Variants in BLM observed in about 807,000 individuals in gnomAD.
BLM encodes the protein BLM RecQ like helicase.
In BLM, 95 loss-of-function variants were observed where a neutral mutation model predicts 135.3. That is an observed-to-expected ratio of 0.70 (90% CI 0.59 to 0.83). The LOEUF (loss-of-function observed/expected upper bound fraction) is 0.83. BLM is among the 40% of genes least tolerant of loss of function. The probability of loss-of-function intolerance (pLI) is 0.00; values close to 1 mark genes in which losing one functional copy is unlikely to be tolerated. For synonymous variants in BLM, 520 were observed against 589.2 expected (o/e 0.88, Z 1.70); for missense variants, 1,518 against 1,663.9 (o/e 0.91, Z 1.53).
intron 19 of BLM, among the ~76,000 whole-genome samples, chr15:90,808,600 A>G (rs1489749509): frequency 2.0e-5 from 3 of 152,244 alleles, no homozygotes; most frequent in Non-Finnish European, 2.9e-5. Flanking sequence ...TGCGACCTCT[A>G]TGCAGAGGAC....
intron 12 of BLM, among the ~76,000 whole-genome samples, chr15:90,776,566 G>T (rs1209840720): frequency 1.3e-5 from 2 of 152,158 alleles, no homozygotes; most frequent in African/African-American, 4.8e-5. Context: ...CACCCAGGAT[G>T]GAATAAGTAC....
chr15:90,749,259 G>A (rs1359063381), intron 2 of BLM, 108 bp from the exon 3 acceptor site: 7 of 762,278 alleles, frequency 9.2e-6, no homozygotes, highest in African/African-American at 3.5e-5. Flanking sequence ...GCTCAGTTGG[G>A]ATACAATTAA....
intron 12 of BLM, among the ~76,000 whole-genome samples, chr15:90,782,249 G>A (rs1896633228): frequency 1.3e-5 from 2 of 152,030 alleles, no homozygotes; most frequent in Admixed American, 6.6e-5. Context: ...TTAGCTGGGC[G>A]CGATGGTGGG....
At chr15:90,786,871 C>G (rs943699809) in intron 14 of BLM, among the ~76,000 whole-genome samples, 7 of 151,944 alleles carry the variant, frequency 4.6e-5, no homozygotes, top group Non-Finnish European at 8.8e-5. Context: ...CCTCAGCCCC[C>G]CAAAGTGCTG....
At chr15:90,742,238 A>G (rs1290295027) in intron 1 of BLM, among the ~76,000 whole-genome samples, 2 of 152,090 alleles carry the variant, frequency 1.3e-5, no homozygotes. Context: ...GTTCTTAGTT[A>G]GGCTCACCAC....
intron 19 of BLM, chr15:90,808,915 C>G: frequency 1.6e-6 from 1 of 615,098 alleles, no homozygotes; most frequent in South Asian, 1.9e-5. Flanking sequence ...CTTGCTCTGC[C>G]CTGGCCTATG....
Position 90,790,810 on chromosome 15 carries a change from T to C in BLM, c.2985T>C (p.Tyr995=), listed in dbSNP as rs1367612540. The change falls in exon 15 of 22, where the codon TAT becomes TAC. Residue 995 remains tyrosine (Y), a synonymous_variant. Transcript: ENST00000355112. ...CTCACTGCCTGCTTTTCTATACCTA[T>C]CATGATGTGACCAGACTGAAAAGAC... The part of the protein sequence containing the change: ...EISHCLLFYT[Y]HDVTRLKRLI... 4.3e-6 allele frequency: 7 copies of C among 1,614,046 alleles called. No homozygotes were observed. The highest frequency in any genetic ancestry group is 5.9e-6 in the Non-Finnish European group (7 of 1,180,040).
Position 90,815,110 on chromosome 15 carries a change from C to A in BLM, c.4085C>A (p.Ala1362Asp). The change falls in exon 22 of 22, where the codon GCC becomes GAC. Residue 1362 changes from alanine (A) to aspartate (D), a missense_variant. By Grantham distance (126) the Ala-to-Asp change is moderately radical. Coordinates refer to ENST00000355112, the MANE Select transcript of BLM (RefSeq NM_000057.4). This position sits in a 1 kb window ranked among gnomAD's most constrained non-coding sequence, Gnocchi z 4.6. The stretch of plus-strand genomic sequence containing the variant: ...TCTTTGTCACATTTCAGGGGGTCTG[C>A]CACATGTAGAAAGATATCTTCCAAA... ...SSGSKAKGGS[A>D]TCRKISSKTK... 1 of 1,613,976 alleles carries A rather than the reference C, an allele frequency of 6.2e-7. No homozygotes were observed. The highest frequency in any genetic ancestry group is 8.5e-7 in the Non-Finnish European group (1 of 1,180,020).
intron 17 of BLM, among the ~76,000 whole-genome samples, chr15:90,802,678 C>T (rs1454857156): frequency 5.3e-5 from 8 of 152,176 alleles, no homozygotes; most frequent in African/African-American, 1.7e-4. Context: ...CTCAGTGGCT[C>T]ATGCCTGTAA....
At chr15:90,788,479 T>TTTTTTTTTTTTTTTTTTG (rs1567055130) in intron 14 of BLM, among the ~76,000 whole-genome samples, 1 of 144,474 alleles carries the variant, frequency 6.9e-6, no homozygotes, top group Non-Finnish European at 1.5e-5. Flanking sequence ...TTGTTTTTTT[T>TTTTTTTTTTTTTTTTTTG]TTTTTTTTTT....
chr15:90,726,792 G>A (rs891923562), intron 1 of BLM, among the ~76,000 whole-genome samples: 8 of 152,150 alleles, frequency 5.3e-5, no homozygotes, highest in African/African-American at 1.9e-4. Context: ...ATAGTATTCT[G>A]TTGTATAAAT....
chr15:90,745,101 T>G (rs906667157), intron 1 of BLM, among the ~76,000 whole-genome samples: 2 of 151,988 alleles, frequency 1.3e-5, no homozygotes, highest in African/African-American at 2.4e-5. Flanking sequence ...ATTCCAAATC[T>G]GGTGCAAAAA....
intron 1 of BLM, among the ~76,000 whole-genome samples, chr15:90,740,034 G>A (rs1276299573): frequency 2.0e-5 from 3 of 152,080 alleles, no homozygotes; most frequent in Admixed American, 6.6e-5. Context: ...CAAAGGGCTG[G>A]GATTACAGGC....
At chr15:90,813,362 T>C (rs1311445524) in intron 21 of BLM, among the ~76,000 whole-genome samples, 2 of 152,086 alleles carry the variant, frequency 1.3e-5, no homozygotes, top group African/African-American at 2.4e-5. Context: ...TCCATGCTTG[T>C]TTTCAGTGAG....
intron 17 of BLM, among the ~76,000 whole-genome samples, chr15:90,801,522 T>C (rs1897165835): frequency 6.6e-6 from 1 of 152,132 alleles, no homozygotes; most frequent in Non-Finnish European, 1.5e-5. Flanking sequence ...CAGTATCATA[T>C]AACTAGCAAA....
Position 90,804,198 on chromosome 15 carries a change from G to T in BLM, c.3590G>T (p.Ser1197Ile). Residue 1197 changes from serine to isoleucine, a missense_variant, in exon 19 of 22, where the codon AGT becomes ATT. Physicochemically the swap from Ser to Ile is moderately radical, Grantham distance 142. Around this residue, in one of 5 missense-constraint regions of BLM, gnomAD observed 626 missense variants for 681.1 expected, o/e 0.92. Transcript: ENST00000355112. ...TTTATGGAAACAGAAAATTCCAGCAGTGTGAAAAAACAAAAAGCGTTAGTA... is the reference window on the plus strand; with the variant it reads ...TTTATGGAAACAGAAAATTCCAGCATTGTGAAAAAACAAAAAGCGTTAGTA... ...VDFMETENSSSVKKQKALVAK... is the reference protein window; with the variant it reads ...VDFMETENSSIVKKQKALVAK... The T allele has an allele frequency of 6.2e-7, 1 of 1,614,148 alleles. No homozygotes were observed. The highest frequency in any genetic ancestry group is 8.5e-7 in the Non-Finnish European group (1 of 1,179,980).
intron 2 of BLM, among the ~76,000 whole-genome samples, chr15:90,747,966 C>G (rs1431085308): frequency 1.3e-5 from 2 of 151,974 alleles, no homozygotes; most frequent in African/African-American, 2.4e-5. Flanking sequence ...TGCCACCACG[C>G]CTGGCTAATT....
intron 1 of BLM, among the ~76,000 whole-genome samples, chr15:90,730,733 A>G (rs183464365): frequency 5.8e-4 from 89 of 152,330 alleles, no homozygotes; most frequent in Non-Finnish European, 2.2e-4. Flanking sequence ...GGTATGAGCC[A>G]CCATGCCCGG....
chr15:90,742,598 C>T (rs1417312849), intron 1 of BLM, among the ~76,000 whole-genome samples: 2 of 151,972 alleles, frequency 1.3e-5, no homozygotes, highest in Non-Finnish European at 2.9e-5. Flanking sequence ...ATGTCTCTCT[C>T]TCTCTCTCTT....
Sources: gnomAD v4.1 joint callset for allele counts (sites outside exome capture counted in the v4.1 genomes callset) on GRCh38, gnomAD v4.1.1 for gene constraint, gnomAD v4.1.1 regional missense constraint, Gnocchi (gnomAD v3.1) non-coding constraint, MANE v1.5 for transcripts, NCBI Gene and HGNC (gene_info 2026-07-23, HGNC 2026-07-21) for gene names.